Variants in ARHGAP24 observed in about 807,000 individuals in gnomAD.
ARHGAP24 encodes Rho GTPase activating protein 24.
ARHGAP24 carries 50 observed loss-of-function variants against 76.4 expected under a neutral mutation model. The ratio of observed to expected loss-of-function variants is 0.65; its 90% CI spans 0.52 to 0.83. The LOEUF (loss-of-function observed/expected upper bound fraction) is 0.83, where lower values mean the gene tolerates loss of function less well. ARHGAP24 is among the 40% of genes least tolerant of loss of function. The pLI, the probability that ARHGAP24 is intolerant of heterozygous loss-of-function variation, is 0.00. For missense variants in ARHGAP24, 930 were observed against 914.2 expected (o/e 1.02, Z -0.22); for synonymous variants, 345 against 323.3 (o/e 1.07, Z -0.72).
chr4:85,551,036 A>G (rs1726115881), intron 1 of ARHGAP24, among the ~76,000 whole-genome samples: 1 of 152,168 alleles, frequency 6.6e-6, no homozygotes, highest in Non-Finnish European at 1.5e-5. Context: ...CTCTTGCCTG[A>G]TTTCTCTGAC....
At chr4:85,537,044 A>G (rs1274294614) in intron 1 of ARHGAP24, among the ~76,000 whole-genome samples, 1 of 152,150 alleles carries the variant, frequency 6.6e-6, no homozygotes, top group Non-Finnish European at 1.5e-5. Flanking sequence ...TCAAGGGAAT[A>G]TTAATTCAGA....
chr4:85,512,806 G>A (rs1366652470), intron 1 of ARHGAP24, among the ~76,000 whole-genome samples: 1 of 152,224 alleles, frequency 6.6e-6, no homozygotes, highest in South Asian at 2.1e-4. Flanking sequence ...TTTGATATAT[G>A]AGAAATGGAG....
chr4:85,487,861 ATATT>A (rs986290953), intron 1 of ARHGAP24, among the ~76,000 whole-genome samples: 25 of 122,932 alleles, frequency 2.0e-4, no homozygotes, highest in Non-Finnish European at 3.7e-4. Context: ...TTTATTATAT[ATATT>A]ATATAAATAT....
At chr4:85,745,121 A>G (rs1725976433) in intron 3 of ARHGAP24, among the ~76,000 whole-genome samples, 1 of 151,930 alleles carries the variant, frequency 6.6e-6, no homozygotes, top group Non-Finnish European at 1.5e-5. Context: ...GCCCAGGAAA[A>G]CGTGAAAAGG....
intron 3 of ARHGAP24, among the ~76,000 whole-genome samples, chr4:85,824,320 G>A (rs1047852723): frequency 6.6e-5 from 10 of 152,166 alleles, no homozygotes; most frequent in African/African-American, 2.4e-4. Context: ...AAAGCCACAT[G>A]GAAGGGAGTG....
At chr4:85,797,208 T>C (rs1257314511) in intron 3 of ARHGAP24, among the ~76,000 whole-genome samples, 4 of 152,134 alleles carry the variant, frequency 2.6e-5, no homozygotes, top group Non-Finnish European at 5.9e-5. Flanking sequence ...AGTCTTGCTC[T>C]GTTGCCCAGG....
intron 1 of ARHGAP24, among the ~76,000 whole-genome samples, chr4:85,532,868 T>C (rs1177923878): frequency 1.3e-5 from 2 of 151,954 alleles, no homozygotes; most frequent in Non-Finnish European, 2.9e-5. Flanking sequence ...GATGGAAAGC[T>C]TCTGAGTTCC....
chr4:85,673,195 T>C (rs1722868027), intron 2 of ARHGAP24, among the ~76,000 whole-genome samples: 1 of 152,164 alleles, frequency 6.6e-6, no homozygotes, highest in African/African-American at 2.4e-5. Context: ...CACTTCCCTT[T>C]AGTGGCCTGG....
chr4:85,594,500 A>G (rs1728240047), intron 2 of ARHGAP24, among the ~76,000 whole-genome samples: 1 of 151,994 alleles, frequency 6.6e-6, no homozygotes, highest in South Asian at 2.1e-4. Context: ...CCTTCACAAC[A>G]TAGCATTCTA....
At chr4:85,545,246 C>G (rs1725874233) in intron 1 of ARHGAP24, among the ~76,000 whole-genome samples, 1 of 151,972 alleles carries the variant, frequency 6.6e-6, no homozygotes, top group Admixed American at 6.6e-5. Context: ...ATTACAGGCA[C>G]CCACCACCAC....
chr4:85,899,954 T>C (rs910434448), intron 3 of ARHGAP24, among the ~76,000 whole-genome samples: 11 of 152,194 alleles, frequency 7.2e-5, no homozygotes, highest in South Asian at 2.1e-4. Flanking sequence ...ATAATAAAGC[T>C]ATTCACAGAA....
chr4:85,532,905 G>GA (rs113006392), intron 1 of ARHGAP24, among the ~76,000 whole-genome samples: 17,232 of 152,138 alleles, frequency 0.11, 2,813 homozygotes, highest in African/African-American at 0.36. Flanking sequence ...ACTGATCAAT[G>GA]CAGCTCTCAA....
At chr4:85,533,054 A>C (rs1725332789) in intron 1 of ARHGAP24, among the ~76,000 whole-genome samples, 1 of 152,246 alleles carries the variant, frequency 6.6e-6, no homozygotes, top group Non-Finnish European at 1.5e-5. Flanking sequence ...TCAACGTATG[A>C]GAGGTCATAA....
chr4:85,527,783 C>A (rs1292857057), intron 1 of ARHGAP24, among the ~76,000 whole-genome samples: 1 of 152,084 alleles, frequency 6.6e-6, no homozygotes, highest in African/African-American at 2.4e-5. Flanking sequence ...TGCTTTCCTT[C>A]TGTATTTTAA....
intron 3 of ARHGAP24, among the ~76,000 whole-genome samples, chr4:85,828,646 C>G (rs1488252476): frequency 1.3e-5 from 2 of 151,968 alleles, no homozygotes; most frequent in African/African-American, 4.8e-5. Flanking sequence ...ACCTTACATT[C>G]TGTGTACACA....
At chr4:85,677,094 T>A (rs1328649080) in intron 2 of ARHGAP24, among the ~76,000 whole-genome samples, 1 of 152,190 alleles carries the variant, frequency 6.6e-6, no homozygotes, top group Admixed American at 6.5e-5. Flanking sequence ...GAAGCATTCC[T>A]CTTGAGCAAC....
At chr4:85,804,634 A>T (rs1728715602) in intron 3 of ARHGAP24, among the ~76,000 whole-genome samples, 1 of 152,232 alleles carries the variant, frequency 6.6e-6, no homozygotes, top group African/African-American at 2.4e-5. Flanking sequence ...ATTTTACAGG[A>T]TATCACAAAC....
At chr4:85,967,054 G>A (rs1452883130) in intron 5 of ARHGAP24, among the ~76,000 whole-genome samples, 2 of 152,076 alleles carry the variant, frequency 1.3e-5, no homozygotes, top group Non-Finnish European at 2.9e-5. Flanking sequence ...ATGAGGAAAG[G>A]AGGAATGGGG....
intron 2 of ARHGAP24, among the ~76,000 whole-genome samples, chr4:85,670,799 A>G (rs1238909901): frequency 2.0e-5 from 3 of 152,176 alleles, no homozygotes; most frequent in African/African-American, 7.2e-5. Flanking sequence ...GGACCAACTA[A>G]TAGTCAAGCT....
Sources: gnomAD v4.1 joint callset for allele counts (sites outside exome capture counted in the v4.1 genomes callset) on GRCh38, gnomAD v4.1.1 for gene constraint, MANE v1.5 for transcripts, NCBI Gene and HGNC (gene_info 2026-07-23, HGNC 2026-07-21) for gene names.